TNNI3K: variants seen among roughly 807,000 people sequenced by gnomAD.
TNNI3K encodes the protein TNNI3 interacting kinase, also known as serine/threonine-protein kinase TNNI3K.
In TNNI3K, 140 loss-of-function variants were observed where a neutral mutation model predicts 114.5. That is an observed-to-expected ratio of 1.22 (90% CI 1.07 to 1.41). The LOEUF is 1.41. Ranked by LOEUF, TNNI3K falls within the 40% of genes most tolerant of loss-of-function variation. The pLI is 0.00. For missense variants in TNNI3K, 1,125 were observed against 1,007.6 expected (o/e 1.12, Z -1.58); for synonymous variants, 347 against 347.5 (o/e 1.00, Z 0.02).
intron 23 of TNNI3K, among the ~76,000 whole-genome samples, chr1:74,521,653 C>G (rs898122581): frequency 6.6e-6 from 1 of 152,058 alleles, no homozygotes; most frequent in Non-Finnish European, 1.5e-5. Context: ...ATGGAGGTCA[C>G]AGTGATCAGC....
At chr1:74,430,101 T>C (rs1665821804) in intron 17 of TNNI3K, among the ~76,000 whole-genome samples, 1 of 152,090 alleles carries the variant, frequency 6.6e-6, no homozygotes, top group African/African-American at 2.4e-5. Context: ...GGAGTGAAAG[T>C]AGCAAGTCAC....
chr1:74,368,382 T>C (rs1557524732), intron 13 of TNNI3K, among the ~76,000 whole-genome samples: 1 of 151,884 alleles, frequency 6.6e-6, no homozygotes, highest in Non-Finnish European at 1.5e-5. Context: ...ATGAATAACA[T>C]TGGACCAGGA....
chr1:74,270,248 A>G (rs376173914), intron 4 of TNNI3K, among the ~76,000 whole-genome samples: 1 of 151,752 alleles, frequency 6.6e-6, no homozygotes, highest in South Asian at 2.1e-4. Context: ...GAACTTGGGT[A>G]TACCTACCTA....
chr1:74,476,088 T>A (rs745953694), intron 21 of TNNI3K, among the ~76,000 whole-genome samples: 8 of 152,142 alleles, frequency 5.3e-5, no homozygotes, highest in Non-Finnish European at 8.8e-5. Context: ...GAACTGAAAC[T>A]CATTTAAGAT....
rs524252 is a variant in TNNI3K, at chr1:74,266,913, C to G, written c.334-4685C>G. 2.6e-5 allele frequency among the ~76,000 whole-genome samples: 4 copies of G among 151,834 alleles called. No individual in the cohort carries two copies. The South Asian group carries it at 8.3e-4, about 32-fold the overall frequency. On this transcript the variant is annotated intron_variant, in intron 4 of 24. Transcript: ENST00000326637. ...CTATTTCTCAAGGATATAGCTGGAG[C>G]GCTTTTTTGTCTAAGCCTCATTCTT... is the stretch of plus-strand genomic sequence containing the variant.
At chr1:74,417,456 C>T (rs1000749549) in intron 17 of TNNI3K, among the ~76,000 whole-genome samples, 2 of 152,064 alleles carry the variant, frequency 1.3e-5, no homozygotes, top group African/African-American at 4.8e-5. Context: ...TAGAAATGTG[C>T]TGCGTTCTGA....
chr1:74,388,576 G>A (rs767843127), intron 17 of TNNI3K, among the ~76,000 whole-genome samples: 2 of 152,064 alleles, frequency 1.3e-5, no homozygotes, highest in Non-Finnish European at 2.9e-5. Context: ...GATCTGATTA[G>A]GTAGGAAGGA....
chr1:74,442,476 C>G (rs1205542316), intron 20 of TNNI3K, among the ~76,000 whole-genome samples: 2 of 151,930 alleles, frequency 1.3e-5, no homozygotes, highest in Non-Finnish European at 2.9e-5. Context: ...TTAGAATCAG[C>G]TTGTCTATAT....
intron 11 of TNNI3K, among the ~76,000 whole-genome samples, chr1:74,362,872 A>G (rs1341691516): frequency 6.6e-6 from 1 of 152,104 alleles, no homozygotes; most frequent in Non-Finnish European, 1.5e-5. Flanking sequence ...CAGGAAATGA[A>G]AGAGATTTCA....
intron 5 of TNNI3K, among the ~76,000 whole-genome samples, chr1:74,289,486 G>GAA (rs369263112): frequency 7.4e-4 from 2 of 2,688 alleles, no homozygotes; most frequent in South Asian, 0.025. Context: ...CATAGGTAGT[G>GAA]TCATTAGTCT....
chr1:74,439,344 G>A lies in TNNI3K; in HGVS notation c.1879-146G>A, dbSNP rs1057251021. 7 of 1,291,720 alleles carry A rather than the reference G, an allele frequency of 5.4e-6. No homozygotes were observed. The African/African-American group carries it at 1.0e-4, about 19-fold the overall frequency. The allele number at this position is 1,291,720 out of a possible 1,614,324, so 80.0% of individuals were successfully genotyped here. A position where few individuals can be genotyped will look rare whatever the true frequency, so the allele number is the denominator to read the frequency against. On this transcript the variant is annotated intron_variant, in intron 19 of 24. Transcript: ENST00000326637. ...TAAACATGTTTATTGCACACACTGA[G>A]GGCAATATGTATGGATGTTAATTTA...
At chr1:74,238,716 G>T (rs759197281) in intron 2 of TNNI3K, among the ~76,000 whole-genome samples, 1 of 152,016 alleles carries the variant, frequency 6.6e-6, no homozygotes, top group Admixed American at 6.6e-5. Context: ...TGAGGATAAT[G>T]GTGAGACATT....
chr1:74,439,643 A>G, intron 20 of TNNI3K, 21 bp downstream of exon 20: 1 of 1,610,608 alleles, frequency 6.2e-7, no homozygotes, highest in Non-Finnish European at 8.5e-7. Flanking sequence ...CTGCAATTGA[A>G]GTTTTCCTGT....
intron 23 of TNNI3K, among the ~76,000 whole-genome samples, chr1:74,502,890 ACT>A (rs148083740): frequency 0.073 from 11,166 of 152,044 alleles, 968 homozygotes; most frequent in African/African-American, 0.21. Context: ...AAACAGCCTC[ACT>A]CTCTGACCAC....
intron 5 of TNNI3K, among the ~76,000 whole-genome samples, chr1:74,288,725 A>G (rs1005238052): frequency 3.9e-5 from 6 of 152,104 alleles, no homozygotes; most frequent in African/African-American, 1.4e-4. Context: ...TATTAATATT[A>G]TGTTGTATAC....
intron 23 of TNNI3K, among the ~76,000 whole-genome samples, chr1:74,518,254 A>T (rs1646377023): frequency 6.6e-6 from 1 of 152,198 alleles, no homozygotes; most frequent in Non-Finnish European, 1.5e-5. Flanking sequence ...TTCAGTCTGG[A>T]TGGCTAGAAG....
intron 4 of TNNI3K, among the ~76,000 whole-genome samples, chr1:74,252,487 T>C (rs1415832526): frequency 6.6e-6 from 1 of 152,230 alleles, no homozygotes; most frequent in Non-Finnish European, 1.5e-5. Flanking sequence ...AAAGTAGTTG[T>C]GTGTCCAGAA....
chr1:74,297,051 A>T (rs1032985163), intron 5 of TNNI3K, among the ~76,000 whole-genome samples: 3 of 152,008 alleles, frequency 2.0e-5, no homozygotes, highest in African/African-American at 2.4e-5. Flanking sequence ...ATATTGCTTT[A>T]TGTGCCATTC....
At chr1:74,486,603 G>A (rs1002349052) in intron 21 of TNNI3K, among the ~76,000 whole-genome samples, 1 of 149,900 alleles carries the variant, frequency 6.7e-6, no homozygotes, top group Non-Finnish European at 1.5e-5. Flanking sequence ...TATGAGTTTA[G>A]AGTTCAGGAG....
Sources: gnomAD v4.1 joint callset for allele counts (sites outside exome capture counted in the v4.1 genomes callset) on GRCh38, gnomAD v4.1.1 for gene constraint, MANE v1.5 for transcripts, NCBI Gene and HGNC (gene_info 2026-07-23, HGNC 2026-07-21) for gene names.